Variants in ADAMTS18 observed in about 807,000 individuals in gnomAD.
ADAMTS18 encodes the protein A disintegrin and metalloproteinase with thrombospondin motifs 18.
Under a neutral mutation model 165.9 loss-of-function variants are expected in ADAMTS18, and 157 were observed. The ratio of observed to expected loss-of-function variants is 0.95; its 90% CI spans 0.83 to 1.08. The LOEUF (loss-of-function observed/expected upper bound fraction) is 1.08, where lower values mean the gene tolerates loss of function less well. ADAMTS18 is among the 50% of genes least tolerant of loss of function. The pLI, the probability that ADAMTS18 is intolerant of heterozygous loss-of-function variation, is 0.00. For synonymous variants in ADAMTS18, 782 were observed against 578.2 expected (o/e 1.35, Z -5.06); for missense variants, 2,040 against 1,534.0 (o/e 1.33, Z -5.51).
chr16:77,350,878 CT>C (rs2056545991), intron 10 of ADAMTS18, among the ~76,000 whole-genome samples: 1 of 151,930 alleles, frequency 6.6e-6, no homozygotes, highest in African/African-American at 2.4e-5. Context: ...CGTTGTTGTT[CT>C]TCTAATCACT....
In ADAMTS18 at chr16:77,293,267, G is replaced by C. The variant is rs766563853; in HGVS notation, c.3007-9C>G. ...CCACAGGTCTTGGAACACTTGAGAA[G>C]ACAAAAAAGTTCTATTTGCATTCCC... is the stretch of plus-strand genomic sequence containing the variant. On this transcript the variant is annotated splice_polypyrimidine_tract_variant and intron_variant, in intron 19 of 22. Transcript: ENST00000282849. 7 of 1,611,546 alleles carry C rather than the reference G, an allele frequency of 4.3e-6. No individual in the cohort carries two copies. The highest frequency in any genetic ancestry group is 5.9e-6 in the Non-Finnish European group (7 of 1,179,044).
chr16:77,422,213 A>G (rs999929933), intron 3 of ADAMTS18, among the ~76,000 whole-genome samples: 3 of 152,108 alleles, frequency 2.0e-5, no homozygotes, highest in African/African-American at 7.2e-5. Context: ...AATGTGGTCC[A>G]CTGAGGCCCG....
Position 77,362,251 on chromosome 16 carries a change from A to T in ADAMTS18, c.1070T>A (p.Ile357Asn). The change falls in exon 7 of 23, where the codon ATC becomes AAC. Residue 357 changes from isoleucine (I) to asparagine (N), a missense_variant. Transcript: ENST00000282849. ...CAGAGACTGGTCTGCATGATGGTTG[A>T]TCAATAATCCTCCCTATGGGAAACC... ...LLEQEPGGLLINHHADQSLNS... is the reference protein window; with the variant it reads ...LLEQEPGGLLNNHHADQSLNS... 6.2e-7 allele frequency: 1 copy of T among 1,614,178 alleles called. No homozygotes were observed.
At chr16:77,319,124 T>C (rs947005259) in intron 16 of ADAMTS18, among the ~76,000 whole-genome samples, 1 of 152,220 alleles carries the variant, frequency 6.6e-6, no homozygotes. Context: ...TAGTTTAGTA[T>C]GATGAAACTC....
chr16:77,356,176 C>A, intron 8 of ADAMTS18, 99 bp from the exon 9 acceptor site: 2 of 1,474,358 alleles, frequency 1.4e-6, no homozygotes, highest in African/African-American at 1.4e-5. Context: ...TCAACAAAAC[C>A]AAGTGAGAGA....
intron 9 of ADAMTS18, among the ~76,000 whole-genome samples, chr16:77,354,281 C>G (rs962130312): frequency 6.6e-6 from 1 of 152,324 alleles, no homozygotes; most frequent in South Asian, 2.1e-4. Context: ...CAGACAGACA[C>G]AGTACCTGTC....
intron 13 of ADAMTS18, among the ~76,000 whole-genome samples, chr16:77,323,068 G>C (rs982757482): frequency 1.6e-4 from 24 of 152,016 alleles, no homozygotes; most frequent in African/African-American, 5.8e-4. Context: ...GCTACAAAAA[G>C]GTAACTTCTC....
At chr16:77,316,738 C>T (rs942913559) in intron 16 of ADAMTS18, among the ~76,000 whole-genome samples, 2 of 152,130 alleles carry the variant, frequency 1.3e-5, no homozygotes, top group South Asian at 2.1e-4. Flanking sequence ...GGTGCGATCT[C>T]GGCTTATTGC....
chr16:77,369,288 C>T (rs2056843489), intron 3 of ADAMTS18, among the ~76,000 whole-genome samples: 1 of 152,110 alleles, frequency 6.6e-6, no homozygotes, highest in Admixed American at 6.5e-5. Flanking sequence ...AAAAAACCAA[C>T]TTTTTGTTTC....
At chr16:77,326,131 C>T in intron 12 of ADAMTS18, 93 bp from the exon 13 acceptor site, 3 of 1,242,288 alleles carry the variant, frequency 2.4e-6, no homozygotes, top group Non-Finnish European at 3.5e-6. Flanking sequence ...TGAAGATGAG[C>T]ACTGCCACAG....
chr16:77,404,283 G>A (rs1406158136), intron 3 of ADAMTS18, among the ~76,000 whole-genome samples: 3 of 152,110 alleles, frequency 2.0e-5, no homozygotes, highest in African/African-American at 4.8e-5. Flanking sequence ...ATGACCAAAG[G>A]GAAGGTGGAA....
At chr16:77,423,103 A>C (rs2057625021) in intron 3 of ADAMTS18, among the ~76,000 whole-genome samples, 1 of 152,178 alleles carries the variant, frequency 6.6e-6, no homozygotes, top group Non-Finnish European at 1.5e-5. Context: ...TTTCTTTTCA[A>C]GTGCTCAGGT....
intron 3 of ADAMTS18, among the ~76,000 whole-genome samples, chr16:77,397,907 C>T (rs1302360092): frequency 2.0e-5 from 3 of 152,110 alleles, no homozygotes; most frequent in Non-Finnish European, 4.4e-5. Context: ...CTGTGTTGTC[C>T]TATGTACAGC....
At chr16:77,372,209 G>C (rs2056886373) in intron 3 of ADAMTS18, among the ~76,000 whole-genome samples, 1 of 152,118 alleles carries the variant, frequency 6.6e-6, no homozygotes, top group Non-Finnish European at 1.5e-5. Flanking sequence ...ATGGTATGAA[G>C]GATCCTTTAA....
chr16:77,340,710 T>G (rs1277860653), intron 11 of ADAMTS18, among the ~76,000 whole-genome samples: 1 of 152,062 alleles, frequency 6.6e-6, no homozygotes, highest in Non-Finnish European at 1.5e-5. Flanking sequence ...CCTCCCAAAG[T>G]GCTGGGACTA....
chr16:77,337,529 T>C (rs1264280832), intron 11 of ADAMTS18, among the ~76,000 whole-genome samples: 2 of 152,184 alleles, frequency 1.3e-5, no homozygotes, highest in African/African-American at 2.4e-5. Flanking sequence ...TTCAAATAAC[T>C]ATGCAAGTAT....
chr16:77,338,950 T>A (rs542025113), intron 11 of ADAMTS18, among the ~76,000 whole-genome samples: 22 of 90,860 alleles, frequency 2.4e-4, no homozygotes, highest in African/African-American at 1.2e-3. Flanking sequence ...CAAGACTCCA[T>A]CTCAAAAAAA....
At chr16:77,285,468 G>A (rs753920685) in intron 22 of ADAMTS18, among the ~76,000 whole-genome samples, 22 of 135,248 alleles carry the variant, frequency 1.6e-4, no homozygotes, top group Non-Finnish European at 2.4e-4. Context: ...GCACACCCCC[G>A]GCCATTTTAC....
At chr16:77,304,087 G>A (rs1483271459) in intron 16 of ADAMTS18, among the ~76,000 whole-genome samples, 1 of 152,088 alleles carries the variant, frequency 6.6e-6, no homozygotes, top group Non-Finnish European at 1.5e-5. Context: ...GTAAATCTGA[G>A]GTGGGGGAGG....
Sources: allele counts gnomAD v4.1 joint callset (sites outside exome capture counted in the v4.1 genomes callset), GRCh38; gene constraint gnomAD v4.1.1; transcripts MANE v1.5; gene names NCBI Gene and HGNC (gene_info 2026-07-23, HGNC 2026-07-21).